The following MDGA2 variants were observed in gnomAD, a reference collection of about 807,000 sequenced individuals.
MDGA2 encodes the protein MAM domain containing glycosylphosphatidylinositol anchor 2, also known as MAM domain-containing glycosylphosphatidylinositol anchor protein 2.
In MDGA2, 40 loss-of-function variants were observed where a neutral mutation model predicts 117.8. That is an observed-to-expected ratio of 0.34 (90% CI 0.26 to 0.44). The LOEUF is 0.44. Ranked by LOEUF, MDGA2 falls within the 20% of genes least tolerant of loss-of-function variation. The probability of loss-of-function intolerance (pLI) is 1.00; values close to 1 mark genes in which losing one functional copy is unlikely to be tolerated. For missense variants in MDGA2, 1,123 were observed against 1,250.6 expected (o/e 0.90, Z 1.54); for synonymous variants, 452 against 439.0 (o/e 1.03, Z -0.37).
At chr14:47,107,534 A>G (rs140621648) in intron 5 of MDGA2, among the ~76,000 whole-genome samples, 24,823 of 151,154 alleles carry the variant, frequency 0.16, 1,927 homozygotes, top group African/African-American at 0.25. Context: ...CAAATTACCT[A>G]GGCTGTACTG....
intron 10 of MDGA2, among the ~76,000 whole-genome samples, chr14:46,909,826 G>T (rs1177325420): frequency 6.6e-6 from 1 of 151,996 alleles, no homozygotes; most frequent in Non-Finnish European, 1.5e-5. Flanking sequence ...TATGAATTTT[G>T]TATTGTGTCA....
intron 1 of MDGA2, among the ~76,000 whole-genome samples, chr14:47,547,192 T>A (rs554020832): frequency 6.6e-6 from 1 of 152,122 alleles, no homozygotes; most frequent in Non-Finnish European, 1.5e-5. Context: ...CAAGATTGAA[T>A]TAAGACTCTT....
chr14:46,963,307 T>C (rs903879142), intron 8 of MDGA2, among the ~76,000 whole-genome samples: 2 of 152,240 alleles, frequency 1.3e-5, no homozygotes, highest in Admixed American at 6.5e-5. Flanking sequence ...GCAGTATACC[T>C]GTAATAGGTC....
chr14:47,572,691 G>T (rs754683556), intron 1 of MDGA2, among the ~76,000 whole-genome samples: 1 of 152,130 alleles, frequency 6.6e-6, no homozygotes, highest in Non-Finnish European at 1.5e-5. Flanking sequence ...CTACTCAAGA[G>T]AGGCAGCCAA....
chr14:47,316,471 A>G (rs930088993), intron 1 of MDGA2, among the ~76,000 whole-genome samples: 21 of 152,222 alleles, frequency 1.4e-4, no homozygotes, highest in African/African-American at 4.3e-4. Context: ...AAGGAAAATT[A>G]TTGCTGAAAA....
At chr14:47,065,740 A>AT in intron 6 of MDGA2, among the ~76,000 whole-genome samples, 1 of 152,326 alleles carries the variant, frequency 6.6e-6, no homozygotes, top group South Asian at 2.1e-4. Flanking sequence ...CTCTTTGGAG[A>AT]TAATAAATAT....
intron 3 of MDGA2, among the ~76,000 whole-genome samples, chr14:47,196,591 T>C (rs1188475404): frequency 6.6e-6 from 1 of 152,220 alleles, no homozygotes; most frequent in African/African-American, 2.4e-5. Flanking sequence ...CTTCACATTT[T>C]AAGAAGTTAA....
intron 1 of MDGA2, among the ~76,000 whole-genome samples, chr14:47,637,834 T>C (rs1441985075): frequency 2.0e-5 from 3 of 152,216 alleles, no homozygotes; most frequent in African/African-American, 7.2e-5. Context: ...TGGATGAACT[T>C]TCATGCTAAT....
intron 1 of MDGA2, among the ~76,000 whole-genome samples, chr14:47,535,554 A>C (rs1395209443): frequency 6.6e-6 from 1 of 152,226 alleles, no homozygotes; most frequent in African/African-American, 2.4e-5. Context: ...TGTGTTAGAA[A>C]GGACGTGGAA....
At chr14:47,530,275 T>C (rs990411769) in intron 1 of MDGA2, among the ~76,000 whole-genome samples, 10 of 152,188 alleles carry the variant, frequency 6.6e-5, no homozygotes, top group African/African-American at 2.4e-4. Context: ...GGTTAAGGCA[T>C]ACTCCCTTCG....
At chr14:47,266,367 T>C (rs959985469) in intron 2 of MDGA2, among the ~76,000 whole-genome samples, 1 of 152,118 alleles carries the variant, frequency 6.6e-6, no homozygotes, top group South Asian at 2.1e-4. Context: ...CCAAAATAAG[T>C]CTCAGACACG....
intron 1 of MDGA2, among the ~76,000 whole-genome samples, chr14:47,643,561 A>G (rs550521909): frequency 6.6e-6 from 1 of 152,122 alleles, no homozygotes; most frequent in Non-Finnish European, 1.5e-5. Context: ...AAAACCTTGC[A>G]TCTTTCTATC....
chr14:47,590,989 GA>G (rs1025435333), intron 1 of MDGA2, among the ~76,000 whole-genome samples: 3 of 150,780 alleles, frequency 2.0e-5, no homozygotes, highest in East Asian at 1.9e-4. Flanking sequence ...TGAATTGTTA[GA>G]AAAAAAAAGT....
chr14:46,910,718 T>C (rs1295295837), intron 10 of MDGA2, among the ~76,000 whole-genome samples: 1 of 152,128 alleles, frequency 6.6e-6, no homozygotes, highest in Non-Finnish European at 1.5e-5. Context: ...TGATCCTGTA[T>C]CTAGCAAACC....
intron 6 of MDGA2, among the ~76,000 whole-genome samples, chr14:47,094,778 A>C (rs1353299153): frequency 7.1e-6 from 1 of 140,362 alleles, no homozygotes; most frequent in Non-Finnish European, 1.6e-5. Context: ...TACTTAGAAA[A>C]GCAAGTATTT....
At chr14:46,923,612 T>C (rs1290050544) in intron 9 of MDGA2, among the ~76,000 whole-genome samples, 1 of 152,044 alleles carries the variant, frequency 6.6e-6, no homozygotes, top group Non-Finnish European at 1.5e-5. Context: ...GTTGTTACGA[T>C]TAAATATAGG....
intron 1 of MDGA2, among the ~76,000 whole-genome samples, chr14:47,641,068 GTGAA>G (rs1208838468): frequency 1.3e-5 from 2 of 151,976 alleles, no homozygotes; most frequent in African/African-American, 4.8e-5. Context: ...CTTCTTCCCA[GTGAA>G]TGAAACACTC....
intron 8 of MDGA2, among the ~76,000 whole-genome samples, chr14:46,978,561 G>C (rs1245091523): frequency 6.6e-6 from 1 of 152,006 alleles, no homozygotes; most frequent in African/African-American, 2.4e-5. Context: ...TACAGGTACT[G>C]AGAGAAGAAG....
At chr14:47,125,249 G>A (rs1169916974) in intron 5 of MDGA2, among the ~76,000 whole-genome samples, 3 of 152,126 alleles carry the variant, frequency 2.0e-5, no homozygotes, top group South Asian at 2.1e-4. Flanking sequence ...GACCATAGGT[G>A]TAGCATATCG....
Sources: gnomAD v4.1 joint callset for allele counts (sites outside exome capture counted in the v4.1 genomes callset) on GRCh38, gnomAD v4.1.1 for gene constraint, MANE v1.5 for transcripts, NCBI Gene and HGNC (gene_info 2026-07-23, HGNC 2026-07-21) for gene names.